Variants in CHMP5 observed in about 807,000 individuals in gnomAD.
CHMP5 encodes charged multivesicular body protein 5.
A neutral mutation model predicts 33.0 loss-of-function variants in CHMP5; 17 were observed. The ratio of observed to expected loss-of-function variants is 0.52; its 90% CI spans 0.35 to 0.77. The LOEUF (loss-of-function observed/expected upper bound fraction) is 0.77, where lower values mean the gene tolerates loss of function less well. Among genes scored for constraint, CHMP5 ranks in the 30% least tolerant of loss-of-function variants. CHMP5 has a pLI of 0.01. For missense variants in CHMP5, 216 were observed against 261.5 expected (o/e 0.83, Z 1.20); for synonymous variants, 76 against 90.2 (o/e 0.84, Z 0.89).
chr9:33,275,679 T>G (rs1820845525), intron 5 of CHMP5, among the ~76,000 whole-genome samples: 1 of 152,206 alleles, frequency 6.6e-6, no homozygotes, highest in South Asian at 2.1e-4. Flanking sequence ...CAATCATCTA[T>G]TCTCACATAG....
intron 5 of CHMP5, 66 bp downstream of exon 5, chr9:33,271,289 A>C: frequency 2.3e-6 from 3 of 1,288,918 alleles, no homozygotes; most frequent in South Asian, 2.4e-5. Flanking sequence ...ACGAGTGTGC[A>C]TGTGATAGGA....
intron 6 of CHMP5, 69 bp downstream of exon 6, chr9:33,276,633 T>C: frequency 1.2e-6 from 1 of 806,242 alleles, no homozygotes; most frequent in Non-Finnish European, 2.1e-6. Flanking sequence ...TGGGACCTTT[T>C]CTCAAATGCT....
intron 5 of CHMP5, among the ~76,000 whole-genome samples, chr9:33,276,011 TA>T (rs796598243): frequency 2.0e-4 from 31 of 152,056 alleles, no homozygotes; most frequent in African/African-American, 7.2e-4. Context: ...TCCATCTCAA[TA>T]AATAAATAAA....
intron 6 of CHMP5, among the ~76,000 whole-genome samples, chr9:33,277,448 A>C (rs2118046768): frequency 6.6e-6 from 1 of 152,276 alleles, no homozygotes; most frequent in East Asian, 1.9e-4. Flanking sequence ...TAGTAGTGGG[A>C]GAGAGGCATG....
At position 33,271,236 on chromosome 9, in the gene CHMP5, C is replaced by T. The variant is rs1587798008; in HGVS notation, c.387+13C>T. On this transcript the variant is annotated intron_variant, in intron 5 of 7. Transcript: ENST00000223500. ...CGACCAGATTGAGGTGAGACATATG[C>T]TAGTTTCTGCAAGAATGTGCACTAG... The T allele has an allele frequency of 6.2e-7, 1 of 1,604,406 alleles. No homozygotes were observed. Among genetic ancestry groups the T allele is most frequent in the Admixed American group, 1.7e-5 (1 of 59,954 alleles).
Position 33,267,993 on chromosome 9 carries a change from C to T in CHMP5, c.221+94C>T, listed in dbSNP as rs1820747709. The T allele has an allele frequency of 1.2e-5, 10 of 838,244 alleles. No homozygotes were observed. The South Asian group carries it at 1.3e-4, about 11-fold the overall frequency. The allele number at this position is 838,244 out of a possible 1,614,324, so 51.9% of individuals were successfully genotyped here. A position where few individuals can be genotyped will look rare whatever the true frequency, so the allele number is the denominator to read the frequency against. On this transcript the variant is annotated intron_variant, in intron 3 of 7. Transcript: ENST00000223500. ...AGGTTTTCATACTATTTTCTAAGCA[C>T]TCTTGATTTAATTACAAATTTTCAT...
At chr9:33,277,860 A>G (rs759268554) in intron 6 of CHMP5, 49 of 327,438 alleles carry the variant, frequency 1.5e-4, no homozygotes, top group Non-Finnish European at 2.4e-4. Context: ...TTATTTCTTT[A>G]TTTTTTAATT....
At chr9:33,277,309 A>G (rs1339329265) in intron 6 of CHMP5, among the ~76,000 whole-genome samples, 2 of 152,130 alleles carry the variant, frequency 1.3e-5, no homozygotes, top group African/African-American at 4.8e-5. Context: ...CAGCCCCTAC[A>G]TTCATGAACC....
chr9:33,278,469 C>T (rs549270570), intron 7 of CHMP5, among the ~76,000 whole-genome samples: 2 of 152,174 alleles, frequency 1.3e-5, no homozygotes, highest in South Asian at 2.1e-4. Context: ...TACATGATCA[C>T]CCTTGTTGTG....
chr9:33,274,550 C>A (rs1030567239), intron 5 of CHMP5, among the ~76,000 whole-genome samples: 2 of 152,122 alleles, frequency 1.3e-5, no homozygotes, highest in Non-Finnish European at 2.9e-5. Flanking sequence ...GTATTAGGTG[C>A]TTAGTGTTTT....
At chr9:33,277,336 G>A (rs1287441993) in intron 6 of CHMP5, among the ~76,000 whole-genome samples, 2 of 152,030 alleles carry the variant, frequency 1.3e-5, no homozygotes, top group African/African-American at 4.8e-5. Flanking sequence ...AGCAGTGGAA[G>A]ACATAAATGG....
chr9:33,280,712 T>C (rs1337650583), intron 7 of CHMP5, 97 bp from the exon 8 acceptor site: 5 of 1,145,164 alleles, frequency 4.4e-6, no homozygotes, highest in Non-Finnish European at 6.3e-6. Context: ...ATTGATTAAA[T>C]ACTTGGAAAT....
chr9:33,279,717 G>A (rs1027162990), intron 7 of CHMP5, among the ~76,000 whole-genome samples: 1 of 151,868 alleles, frequency 6.6e-6, no homozygotes, highest in African/African-American at 2.4e-5. Flanking sequence ...TAAAAAATTA[G>A]CTGGGCGTGG....
intron 1 of CHMP5, 64 bp downstream of exon 1, chr9:33,265,211 C>A (rs1820694703): frequency 1.3e-6 from 2 of 1,513,964 alleles, no homozygotes; most frequent in Non-Finnish European, 1.8e-6. Flanking sequence ...CGCCCACCCC[C>A]AGCCCCGGGC....
chr9:33,265,261 C>A, intron 1 of CHMP5, 114 bp downstream of exon 1: 3 of 946,744 alleles, frequency 3.2e-6, no homozygotes, highest in Non-Finnish European at 5.0e-6. Context: ...GGGCCCCTTA[C>A]ACGTCGTCCC....
Position 33,270,722 on chromosome 9 carries a change from C to T in CHMP5, c.315+6C>T, listed in dbSNP as rs376625561. The stretch of plus-strand genomic sequence containing the variant: ...TGAAGGACACCAAGACCACGGTACT[C>T]CCAAAACACCTTTTCCTGTTATTTC... On this transcript the variant is annotated splice_donor_region_variant and intron_variant, in intron 4 of 7. Coordinates refer to ENST00000223500, the MANE Select transcript of CHMP5 (RefSeq NM_016410.6). 39 of 1,576,188 alleles carry T rather than the reference C, an allele frequency of 2.5e-5. No homozygotes were observed. The highest frequency in any genetic ancestry group is 3.3e-5 in the Non-Finnish European group (38 of 1,147,658).
chr9:33,273,970 G>C (rs1050049064), intron 5 of CHMP5, among the ~76,000 whole-genome samples: 4 of 151,648 alleles, frequency 2.6e-5, no homozygotes, highest in African/African-American at 9.7e-5. Context: ...TGTTAAATAT[G>C]CATATAATTT....
At position 33,271,212 on chromosome 9, in the gene CHMP5, G is replaced by A. The variant is rs758726437; in HGVS notation, c.376G>A (p.Asp126Asn). 9.3e-6 allele frequency: 15 copies of A among 1,613,258 alleles called. No individual in the cohort carries two copies. The East Asian group carries it at 1.1e-4, about 12-fold the overall frequency. Residue 126 changes from aspartate (D) to asparagine (N), a missense_variant, in exon 5 of 8, where the codon GAC (aspartate) becomes AAC (asparagine). Transcript: ENST00000223500. ...GAAGGCATACAAGCAAGTGAAGATC[G>A]ACCAGATTGAGGTGAGACATATGCT... is the stretch of plus-strand genomic sequence containing the variant. ...MKKAYKQVKI[D>N]QIEDLQDQLE... is the part of the protein sequence containing the mutation.
At chr9:33,270,154 T>A (rs1043457690) in intron 3 of CHMP5, among the ~76,000 whole-genome samples, 3 of 152,224 alleles carry the variant, frequency 2.0e-5, no homozygotes, top group African/African-American at 7.2e-5. Flanking sequence ...ATTTTTACTG[T>A]ACCTTTTCTA....
Sources: gnomAD v4.1 joint callset for allele counts (sites outside exome capture counted in the v4.1 genomes callset) on GRCh38, gnomAD v4.1.1 for gene constraint, MANE v1.5 for transcripts, NCBI Gene and HGNC (gene_info 2026-07-23, HGNC 2026-07-21) for gene names.